Variants in APP observed in about 807,000 individuals in gnomAD.
The protein encoded by APP is amyloid-beta precursor protein.
In APP, 31 loss-of-function variants were observed where a neutral mutation model predicts 101.4. The ratio of observed to expected loss-of-function variants is 0.31; its 90% CI spans 0.23 to 0.41. APP has a LOEUF of 0.41. APP is among the 10% of genes least tolerant of loss of function. APP has a pLI of 1.00. For missense variants in APP, 839 were observed against 1,003.7 expected, an observed-to-expected ratio of 0.84 and a Z score of 2.22; for synonymous variants, 366 against 364.4, an observed-to-expected ratio of 1.00 and a Z score of -0.05.
intron 11 of APP, among the ~76,000 whole-genome samples, chr21:25,963,319 A>C (rs1231311311): frequency 6.6e-6 from 1 of 152,172 alleles, no homozygotes. Flanking sequence ...TAAAATTATT[A>C]AGTCCTATTG....
At chr21:26,086,269 G>T (rs1201683668) in intron 3 of APP, among the ~76,000 whole-genome samples, 1 of 152,176 alleles carries the variant, frequency 6.6e-6, no homozygotes, top group African/African-American at 2.4e-5. Flanking sequence ...CAAAAGCAAA[G>T]GGTGAGATGA....
intron 1 of APP, among the ~76,000 whole-genome samples, chr21:26,137,036 G>T (rs950411771): frequency 9.0e-5 from 11 of 121,634 alleles, no homozygotes; most frequent in African/African-American, 3.7e-4. Context: ...CTGGGTTCAA[G>T]AGATCCTCCC....
chr21:25,948,224 A>G (rs1334194061), intron 13 of APP, among the ~76,000 whole-genome samples: 2 of 151,264 alleles, frequency 1.3e-5, no homozygotes, highest in African/African-American at 2.4e-5. Context: ...GAAATTCTCA[A>G]TAACATTAAA....
chr21:25,977,623 C>A (rs1228422816), intron 9 of APP, among the ~76,000 whole-genome samples: 1 of 152,116 alleles, frequency 6.6e-6, no homozygotes, highest in African/African-American at 2.4e-5. Flanking sequence ...ATATGATAGG[C>A]AATTAGCTTC....
At chr21:25,970,048 C>G (rs987957424) in intron 11 of APP, among the ~76,000 whole-genome samples, 4 of 151,260 alleles carry the variant, frequency 2.6e-5, no homozygotes, top group Non-Finnish European at 5.9e-5. Context: ...ATAAATAAAT[C>G]CGAGTTAAGA....
At chr21:25,918,128 C>T (rs1307827540) in intron 13 of APP, among the ~76,000 whole-genome samples, 1 of 152,256 alleles carries the variant, frequency 6.6e-6, no homozygotes, top group East Asian at 1.9e-4. Flanking sequence ...GGAGATTCTG[C>T]AAGGATATAG....
intron 6 of APP, among the ~76,000 whole-genome samples, chr21:26,003,881 A>C (rs887514795): frequency 1.3e-5 from 2 of 152,196 alleles, no homozygotes; most frequent in Non-Finnish European, 2.9e-5. Context: ...GACTTCGGAG[A>C]GGACTGGGAA....
chr21:26,097,854 G>A (rs2061979922), intron 2 of APP, among the ~76,000 whole-genome samples: 1 of 152,118 alleles, frequency 6.6e-6, no homozygotes. Context: ...GCCAAGACGG[G>A]TGGATCACAA....
At chr21:25,923,720 G>A (rs2039737040) in intron 13 of APP, among the ~76,000 whole-genome samples, 1 of 114,812 alleles carries the variant, frequency 8.7e-6, no homozygotes, top group African/African-American at 3.6e-5. Context: ...TCATTAAAAA[G>A]TCAGGAAACA....
chr21:25,975,843 G>C, intron 10 of APP, 111 bp downstream of exon 10: 1 of 845,096 alleles, frequency 1.2e-6, no homozygotes, highest in Non-Finnish European at 2.0e-6. Flanking sequence ...AAGTTCATGG[G>C]ACTATGAACA....
chr21:25,992,001 C>T (rs1194591159), intron 8 of APP, among the ~76,000 whole-genome samples: 4 of 152,214 alleles, frequency 2.6e-5, no homozygotes, highest in Non-Finnish European at 4.4e-5. Context: ...TGAGCACTGA[C>T]ATGACATCAT....
chr21:26,144,216 C>A (rs2063108227), intron 1 of APP, among the ~76,000 whole-genome samples: 1 of 152,136 alleles, frequency 6.6e-6, no homozygotes, highest in Admixed American at 6.5e-5. Flanking sequence ...TCCACCTGGT[C>A]CCTCCCACTA....
chr21:25,972,350 T>C (rs893975583), intron 11 of APP, among the ~76,000 whole-genome samples: 1 of 152,144 alleles, frequency 6.6e-6, no homozygotes, highest in Non-Finnish European at 1.5e-5. Flanking sequence ...AGACATGTTA[T>C]TTTTAGAGAA....
rs2829996 is a variant in APP, at chr21:25,954,442, T to G, written c.1687+148A>C. The G allele has an allele frequency of 2.0e-5, 15 of 735,556 alleles. No homozygotes were observed. The East Asian group carries it at 3.2e-4, about 16-fold the overall frequency. 45.6% of individuals were successfully genotyped at this position (735,556 alleles called of 1,614,324 possible). ...GAACTGATTCAATTGCTAAGGCTAG[T>G]AAGCTAGTTCCAGCCTGACAGTTTC... is the stretch of plus-strand genomic sequence containing the variant. On this transcript the variant is annotated intron_variant, in intron 13 of 17. Coordinates refer to ENST00000346798, the MANE Select transcript of APP (RefSeq NM_000484.4).
Position 26,041,889 on chromosome 21 carries a change from T to C in APP, c.662+9111A>G, listed in dbSNP as rs573745313. ...GGCAGCCAGTTCCCTCAAAAGAAAATGCAAGTTTCTGCTATTCTCCTATTC... is the reference window on the plus strand; with the variant it reads ...GGCAGCCAGTTCCCTCAAAAGAAAACGCAAGTTTCTGCTATTCTCCTATTC... On this transcript the variant is annotated intron_variant, in intron 5 of 17. Transcript: ENST00000346798. 5.5e-4 allele frequency among the ~76,000 whole-genome samples: 83 copies of C among 152,120 alleles called. No individual in the cohort carries two copies. The South Asian group carries it at 9.5e-3, about 17-fold the overall frequency.
At chr21:26,063,298 GCATAA>G (rs1480890300) in intron 3 of APP, among the ~76,000 whole-genome samples, 1 of 152,160 alleles carries the variant, frequency 6.6e-6, no homozygotes, top group Non-Finnish European at 1.5e-5. Context: ...TTATAGATCT[GCATAA>G]CATAAGGGTG....
At chr21:25,900,167 A>G (rs1354010442) in intron 15 of APP, among the ~76,000 whole-genome samples, 1 of 152,088 alleles carries the variant, frequency 6.6e-6, no homozygotes, top group African/African-American at 2.4e-5. Context: ...TAATCTTTCT[A>G]TAGCCCTTTT....
intron 11 of APP, among the ~76,000 whole-genome samples, chr21:25,969,929 A>AGGGAGGGG (rs1568781989): frequency 1.9e-4 from 1 of 5,382 alleles, no homozygotes; most frequent in African/African-American, 8.4e-4. Flanking sequence ...GAGAAAAGGA[A>AGGGAGGGG]AGGAAAGGAA....
At chr21:25,963,699 C>T (rs2041677801) in intron 11 of APP, among the ~76,000 whole-genome samples, 1 of 152,146 alleles carries the variant, frequency 6.6e-6, no homozygotes, top group Non-Finnish European at 1.5e-5. Context: ...GTTTAAAAAT[C>T]ACACTTTAGA....
Sources: gnomAD v4.1 joint callset for allele counts (sites outside exome capture counted in the v4.1 genomes callset) on GRCh38, gnomAD v4.1.1 for gene constraint, MANE v1.5 for transcripts, NCBI Gene and HGNC (gene_info 2026-07-23, HGNC 2026-07-21) for gene names.